RERE: variants seen among roughly 807,000 people sequenced by gnomAD.
The protein encoded by RERE is arginine-glutamic acid dipeptide repeats protein.
RERE carries 40 observed loss-of-function variants against 146.1 expected under a neutral mutation model. That is an observed-to-expected ratio of 0.27 (90% CI 0.21 to 0.36). The LOEUF is 0.36. Among genes scored for constraint, RERE ranks in the 10% least tolerant of loss-of-function variants. The pLI is 1.00. For missense variants in RERE, 1,933 were observed against 2,138.7 expected (o/e 0.90, Z 1.90); for synonymous variants, 1,003 against 866.0 (o/e 1.16, Z -2.78).
intron 1 of RERE, among the ~76,000 whole-genome samples, chr1:8,773,989 C>G (rs1431196941): frequency 6.6e-6 from 1 of 152,180 alleles, no homozygotes; most frequent in African/African-American, 2.4e-5. Flanking sequence ...TCTTTGACAT[C>G]AGCTCATAGC....
chr1:8,514,370 G>A (rs1296112788), intron 7 of RERE, among the ~76,000 whole-genome samples: 1 of 152,220 alleles, frequency 6.6e-6, no homozygotes, highest in Non-Finnish European at 1.5e-5. Flanking sequence ...TTCTCCTCAA[G>A]ACAATCACTG....
At chr1:8,541,947 T>C (rs146088630) in intron 6 of RERE, among the ~76,000 whole-genome samples, 51 of 152,306 alleles carry the variant, frequency 3.3e-4, no homozygotes, top group East Asian at 2.9e-3. Flanking sequence ...CACTTTCCCA[T>C]AGAAATACTA....
chr1:8,733,474 T>C (rs1259373290), intron 1 of RERE, among the ~76,000 whole-genome samples: 2 of 152,216 alleles, frequency 1.3e-5, no homozygotes, highest in East Asian at 1.9e-4. Context: ...ATAAAAGACA[T>C]TGCAGCTTTC....
intron 1 of RERE, among the ~76,000 whole-genome samples, chr1:8,660,165 T>C (rs1310415398): frequency 6.6e-6 from 1 of 152,118 alleles, no homozygotes; most frequent in Non-Finnish European, 1.5e-5. Context: ...CAAAAGTCAA[T>C]CCAATTACCA....
At position 8,358,464 on chromosome 1, in the gene RERE, C is replaced by T. The variant is rs775602148; in HGVS notation, c.4071G>A (p.Pro1357=). ...FARHSALTIP[P]TAGPHPFASF... is the part of the protein sequence containing the mutation. ...AAGCAAAAGGGTGGGGCCCGGCGGTCGGGGGGATGGTGAGGGCGCTGTGCC... is the reference window on the plus strand; with the variant it reads ...AAGCAAAAGGGTGGGGCCCGGCGGTTGGGGGGATGGTGAGGGCGCTGTGCC... Residue 1357 remains proline (P), a synonymous_variant, in exon 20 of 23, where the codon CCG becomes CCA. Transcript: ENST00000400908. The T allele has an allele frequency of 3.0e-5, 48 of 1,583,326 alleles. No homozygotes were observed. The highest frequency in any genetic ancestry group is 1.5e-4 in the African/African-American group (11 of 74,386).
intron 4 of RERE, among the ~76,000 whole-genome samples, chr1:8,574,304 C>T (rs561146079): frequency 6.7e-6 from 1 of 148,956 alleles, no homozygotes; most frequent in African/African-American, 2.5e-5. Context: ...GATTTCAATG[C>T]TCTGAAATAT....
rs1644214739 is a variant in RERE, at chr1:8,439,331, G to A, written c.1204-16524C>T. 2.6e-5 allele frequency among the ~76,000 whole-genome samples: 4 copies of A among 152,310 alleles called. 1 individual carries two copies. In the South Asian group the frequency reaches 8.3e-4, roughly 32 times the overall value. ...GGAGGCCCAGATCCTACAGTGTATG[G>A]CAACAGAAATGCGATACTGTAAATG... On this transcript the variant is annotated intron_variant, in intron 11 of 22. Coordinates refer to ENST00000400908, the MANE Select transcript of RERE (RefSeq NM_001042681.2).
intron 1 of RERE, among the ~76,000 whole-genome samples, chr1:8,741,856 G>A (rs1298749705): frequency 6.6e-6 from 1 of 152,158 alleles, no homozygotes; most frequent in Non-Finnish European, 1.5e-5. Flanking sequence ...ATGTTGATCA[G>A]TGTACATGCA....
chr1:8,470,705 AAGGGGACTCTTTCTAAAGGGGCAC>A (rs1460086949), intron 10 of RERE, among the ~76,000 whole-genome samples: 1 of 151,726 alleles, frequency 6.6e-6, no homozygotes, highest in African/African-American at 2.4e-5. Flanking sequence ...TTAGGGAACC[AAGGGGACTCTTTCTAAAGGGGCAC>A]TATCTTCTTA....
At chr1:8,372,378 T>A (rs1045287269) in intron 12 of RERE, among the ~76,000 whole-genome samples, 1 of 151,930 alleles carries the variant, frequency 6.6e-6, no homozygotes, top group Non-Finnish European at 1.5e-5. Context: ...ATTATATCAT[T>A]ATTACCACAT....
At chr1:8,521,038 T>C (rs139211795) in intron 7 of RERE, among the ~76,000 whole-genome samples, 4 of 151,830 alleles carry the variant, frequency 2.6e-5, no homozygotes, top group East Asian at 1.9e-4. Flanking sequence ...GGTATGAATA[T>C]AGAAGGAAGA....
At chr1:8,621,793 C>T (rs1292053407) in intron 3 of RERE, among the ~76,000 whole-genome samples, 2 of 152,176 alleles carry the variant, frequency 1.3e-5, no homozygotes, top group Non-Finnish European at 2.9e-5. Context: ...TTATTTCCTT[C>T]TGCTCATCTT....
In RERE at chr1:8,364,780, C is replaced by T. The variant is rs753377726; in HGVS notation, c.1506G>A (p.Leu502=). 6.2e-7 allele frequency: 1 copy of T among 1,614,072 alleles called. No homozygotes were observed. Among genetic ancestry groups the T allele is most frequent in the Non-Finnish European group, 8.5e-7 (1 of 1,179,996 alleles). The change falls in exon 14 of 23, where the codon CTG becomes CTA. Residue 502 remains leucine, a synonymous_variant. Transcript: ENST00000400908. This position sits in a 1 kb window ranked among gnomAD's most constrained non-coding sequence, Gnocchi z 5.1. ...AGCAGTGGCGGCAGGCGTACCCCTTCAGCTCCTGCTCACTGTCCTCACTGT... is the reference window on the plus strand; with the variant it reads ...AGCAGTGGCGGCAGGCGTACCCCTTTAGCTCCTGCTCACTGTCCTCACTGT... ...DFDSEDSEQE[L]KGYACRHCFT... is the part of the protein sequence containing the mutation.
intron 12 of RERE, among the ~76,000 whole-genome samples, chr1:8,414,773 C>T (rs748798425): frequency 6.6e-6 from 1 of 151,970 alleles, no homozygotes; most frequent in African/African-American, 2.4e-5. Context: ...ATTCTGGTAT[C>T]CCAAAGGAAG....
chr1:8,798,248 T>A (rs1286341874), intron 1 of RERE, among the ~76,000 whole-genome samples: 1 of 151,660 alleles, frequency 6.6e-6, no homozygotes, highest in East Asian at 1.9e-4. Flanking sequence ...TAGAAAAAAA[T>A]TAGCCAGGCA....
At chr1:8,746,871 C>CA (rs1640431632) in intron 1 of RERE, among the ~76,000 whole-genome samples, 1 of 133,134 alleles carries the variant, frequency 7.5e-6, no homozygotes, top group African/African-American at 2.8e-5. Context: ...GATGGGGGAA[C>CA]AAAAAAGAGA....
At chr1:8,547,099 A>AC (rs1645873370) in intron 6 of RERE, among the ~76,000 whole-genome samples, 1 of 151,754 alleles carries the variant, frequency 6.6e-6, no homozygotes, top group African/African-American at 2.4e-5. Flanking sequence ...AAAAAAAAAA[A>AC]ACAAAATATT....
At chr1:8,416,248 GA>G (rs895719903) in intron 12 of RERE, among the ~76,000 whole-genome samples, 1 of 152,190 alleles carries the variant, frequency 6.6e-6, no homozygotes, top group Non-Finnish European at 1.5e-5. Flanking sequence ...CATGTTTCTA[GA>G]AAAACATGGG....
At chr1:8,727,367 G>T (rs1639992901) in intron 1 of RERE, among the ~76,000 whole-genome samples, 1 of 150,374 alleles carries the variant, frequency 6.7e-6, no homozygotes, top group Non-Finnish European at 1.5e-5. Flanking sequence ...GTCTTGAACT[G>T]CCGACCTCAG....
Sources: allele counts gnomAD v4.1 joint callset (sites outside exome capture counted in the v4.1 genomes callset), GRCh38; gene constraint gnomAD v4.1.1; non-coding constraint Gnocchi (gnomAD v3.1); transcripts MANE v1.5; gene names NCBI Gene and HGNC (gene_info 2026-07-23, HGNC 2026-07-21).